The following IL1RAPL2 variants were observed in gnomAD, a reference collection of about 807,000 sequenced individuals.
The protein encoded by IL1RAPL2 is interleukin 1 receptor accessory protein like 2.
A neutral mutation model predicts 44.1 loss-of-function variants in IL1RAPL2; 3 were observed. That is an observed-to-expected ratio of 0.07 (90% CI 0.03 to 0.18). The LOEUF is 0.18. Among genes scored for constraint, IL1RAPL2 ranks in the 10% least tolerant of loss-of-function variants. The probability of loss-of-function intolerance (pLI) is 1.00; values close to 1 mark genes in which losing one functional copy is unlikely to be tolerated. For synonymous variants in IL1RAPL2, 181 were observed against 178.8 expected, an observed-to-expected ratio of 1.01 and a Z score of -0.10; for missense variants, 391 against 496.4, an observed-to-expected ratio of 0.79 and a Z score of 2.02.
At chrX:105,553,672 TTAA>T (rs1788935113) in intron 6 of IL1RAPL2, among the ~76,000 whole-genome samples, 2 of 112,283 alleles carry the variant, frequency 1.8e-5, no homozygotes, top group African/African-American at 6.5e-5. Flanking sequence ...TGCTATTATC[TTAA>T]TAATTTATTT....
At chrX:104,642,615 G>A (rs776825147) in intron 1 of IL1RAPL2, among the ~76,000 whole-genome samples, 2 of 110,451 alleles carry the variant, frequency 1.8e-5, no homozygotes, top group African/African-American at 3.3e-5. Flanking sequence ...CTCCTGAGTA[G>A]CTGGAGTTAC....
intron 6 of IL1RAPL2, among the ~76,000 whole-genome samples, chrX:105,580,487 C>T (rs1279119552): frequency 1.8e-5 from 2 of 109,307 alleles, no homozygotes; most frequent in Non-Finnish European, 3.8e-5. Context: ...CCAGGGCAGT[C>T]ACCTTGACTC....
At chrX:105,511,053 A>C (rs1435062035) in intron 6 of IL1RAPL2, among the ~76,000 whole-genome samples, 1 of 111,845 alleles carries the variant, frequency 8.9e-6, no homozygotes, top group Non-Finnish European at 1.9e-5. Context: ...AAGGAAATGT[A>C]GTTTCCTCAG....
At chrX:104,686,238 T>C (rs1029814351) in intron 2 of IL1RAPL2, among the ~76,000 whole-genome samples, 11 of 111,769 alleles carry the variant, frequency 9.8e-5, no homozygotes, top group African/African-American at 3.3e-4. Context: ...TTTCCATAAC[T>C]AGCAGTCATC....
At chrX:104,687,919 T>G (rs768280471) in intron 2 of IL1RAPL2, among the ~76,000 whole-genome samples, 1 of 111,395 alleles carries the variant, frequency 9.0e-6, no homozygotes, top group Non-Finnish European at 1.9e-5. Flanking sequence ...GCAGCCAGGT[T>G]CGTTCTAAAT....
chrX:104,711,580 A>T (rs1369427235), intron 2 of IL1RAPL2, among the ~76,000 whole-genome samples: 2 of 110,642 alleles, frequency 1.8e-5, no homozygotes, highest in Non-Finnish European at 3.8e-5. Context: ...CAAAGGATTT[A>T]TCTGTGTGCT....
chrX:105,006,942 A>G (rs1382995869), intron 2 of IL1RAPL2, among the ~76,000 whole-genome samples: 6 of 111,411 alleles, frequency 5.4e-5, no homozygotes, highest in African/African-American at 1.9e-4. Context: ...TCCTTGGTCA[A>G]TTGTGAGAAC....
chrX:105,729,351 T>C (rs1336069073), intron 7 of IL1RAPL2, among the ~76,000 whole-genome samples: 1 of 111,772 alleles, frequency 8.9e-6, no homozygotes, highest in Admixed American at 9.5e-5. Context: ...TTCACATCCT[T>C]GCCAAAATTT....
chrX:105,409,423 G>T lies in IL1RAPL2; in HGVS notation c.698-74890G>T, dbSNP rs144568517. 5.3e-3 allele frequency among the ~76,000 whole-genome samples: 593 copies of T among 111,963 alleles called. 5 individuals carry two copies. Among genetic ancestry groups the T allele is most frequent in the African/African-American group, 0.018 (553 of 30,869 alleles). On this transcript the variant is annotated intron_variant, in intron 5 of 10. Transcript: ENST00000372582. ...TGTCTTAGAAGCAGGTGATACAAAA[G>T]TGACAGATAGCATCTCTGCTCTCAC... is the stretch of plus-strand genomic sequence containing the variant.
intron 5 of IL1RAPL2, among the ~76,000 whole-genome samples, chrX:105,446,369 G>T (rs753194839): frequency 1.8e-5 from 2 of 110,717 alleles, no homozygotes; most frequent in African/African-American, 3.3e-5. Context: ...TTTGATTGGA[G>T]AGTTTAATCC....
chrX:105,443,236 T>C (rs1266041272), intron 5 of IL1RAPL2, among the ~76,000 whole-genome samples: 1 of 112,034 alleles, frequency 8.9e-6, no homozygotes, highest in Non-Finnish European at 1.9e-5. Flanking sequence ...ACATAGTAGC[T>C]GTATATACTT....
intron 2 of IL1RAPL2, among the ~76,000 whole-genome samples, chrX:104,915,016 C>T (rs1019923474): frequency 1.3e-4 from 14 of 111,668 alleles, no homozygotes; most frequent in East Asian, 2.8e-4. Context: ...AATAGTGCCG[C>T]GATAAACATA....
intron 6 of IL1RAPL2, among the ~76,000 whole-genome samples, chrX:105,613,498 C>T (rs1602489565): frequency 1.8e-5 from 2 of 112,032 alleles, no homozygotes; most frequent in African/African-American, 6.5e-5. Context: ...ACCTCAGCCA[C>T]AGTGGGATAG....
At chrX:105,419,642 A>G (rs1442599537) in intron 5 of IL1RAPL2, among the ~76,000 whole-genome samples, 2 of 112,163 alleles carry the variant, frequency 1.8e-5, no homozygotes, top group Non-Finnish European at 3.8e-5. Flanking sequence ...TTACAAACCA[A>G]GGGAGCAATG....
At position 105,350,495 on chromosome X, in the gene IL1RAPL2, G is replaced by A. The variant is rs373752372; in HGVS notation, c.697+82954G>A. 2.1e-4 allele frequency among the ~76,000 whole-genome samples: 24 copies of A among 112,259 alleles called. No homozygotes were observed. The East Asian group carries it at 3.1e-3, about 14-fold the overall frequency. ...TCCCAGCACTTTGGGAGGTCGAGGC[G>A]GGTGGATCGTCTGAGGTTGGAAGTT... On this transcript the variant is annotated intron_variant, in intron 5 of 10. Coordinates refer to ENST00000372582, the MANE Select transcript of IL1RAPL2 (RefSeq NM_017416.2).
At position 104,852,418 on chromosome X, in the gene IL1RAPL2, G is replaced by A. The variant is rs147488422; in HGVS notation, c.82+193423G>A. Among the ~76,000 whole-genome samples the A allele has an allele frequency of 6.9e-3, 770 of 111,875 alleles. 3 individuals carry two copies. Among genetic ancestry groups the A allele is most frequent in the Non-Finnish European group, 8.7e-3 (461 of 53,152 alleles). ...TTTTGTGTATGTAAGGTCTTTGTCC[G>A]AGGTTTTGGTTTTTGCAGTCTTTTG... On this transcript the variant is annotated intron_variant, in intron 2 of 10. Transcript: ENST00000372582.
chrX:104,918,883 A>G (rs992510748), intron 2 of IL1RAPL2, among the ~76,000 whole-genome samples: 1 of 111,575 alleles, frequency 9.0e-6, no homozygotes, highest in African/African-American at 3.3e-5. Flanking sequence ...ATGTCCTTTG[A>G]ACAAGATAGC....
At chrX:105,512,865 ACACATC>A (rs1173487358) in intron 6 of IL1RAPL2, among the ~76,000 whole-genome samples, 1 of 110,707 alleles carries the variant, frequency 9.0e-6, no homozygotes, top group African/African-American at 3.3e-5. Context: ...GGTTTGCTGC[ACACATC>A]AACCCATCAC....
intron 2 of IL1RAPL2, among the ~76,000 whole-genome samples, chrX:105,169,509 T>C (rs1243566759): frequency 1.3e-5 from 1 of 78,402 alleles, no homozygotes; most frequent in African/African-American, 5.6e-5. Flanking sequence ...TTTTTTTTTT[T>C]TTTTTTTTTT....
Sources: gnomAD v4.1 joint callset for allele counts (sites outside exome capture counted in the v4.1 genomes callset) on GRCh38, gnomAD v4.1.1 for gene constraint, MANE v1.5 for transcripts, NCBI Gene and HGNC (gene_info 2026-07-23, HGNC 2026-07-21) for gene names.